Variants in TAS1R1 observed in about 807,000 individuals in gnomAD.
TAS1R1 encodes taste receptor type 1 member 1.
A neutral mutation model predicts 45.8 loss-of-function variants in TAS1R1; 31 were observed. The ratio of observed to expected loss-of-function variants is 0.68; its 90% CI spans 0.51 to 0.91. The LOEUF (loss-of-function observed/expected upper bound fraction) is 0.91, where lower values mean the gene tolerates loss of function less well. Among genes scored for constraint, TAS1R1 ranks in the 40% least tolerant of loss-of-function variants. The pLI is 0.00. For synonymous variants in TAS1R1, 437 were observed against 448.4 expected (o/e 0.97, Z 0.32); for missense variants, 1,051 against 1,063.9 (o/e 0.99, Z 0.17).
intron 1 of TAS1R1, among the ~76,000 whole-genome samples, chr1:6,557,766 A>G (rs1312705139): frequency 6.6e-6 from 1 of 152,132 alleles, no homozygotes; most frequent in Non-Finnish European, 1.5e-5. Context: ...CTGGGATCTC[A>G]CTATGTTGTC....
intron 1 of TAS1R1, among the ~76,000 whole-genome samples, chr1:6,560,238 C>G (rs10157237): frequency 0.98 from 149,226 of 152,276 alleles, 73,203 homozygotes; most frequent in East Asian, 1. Context: ...CAGAGGTTGC[C>G]GTAAGCCGAG....
intron 1 of TAS1R1, among the ~76,000 whole-genome samples, chr1:6,558,946 C>T (rs1286403355): frequency 1.8e-5 from 2 of 110,902 alleles, no homozygotes; most frequent in African/African-American, 6.7e-5. Context: ...GGCTGGAGTG[C>T]AGTGGCGCGA....
At position 6,575,150 on chromosome 1, in the gene TAS1R1, G is replaced by A. The variant is rs142847878; in HGVS notation, c.1018G>A (p.Ala340Thr). The change falls in exon 3 of 6, where the codon GCC becomes ACC. Residue 340 changes from alanine (A) to threonine (T), a missense_variant. Physicochemically the swap from Ala to Thr is moderately conservative, Grantham distance 58. Coordinates refer to ENST00000333172, the MANE Select transcript of TAS1R1 (RefSeq NM_138697.4). The stretch of plus-strand genomic sequence containing the variant: ...CCCTGGCCTGAAGGCGTTTGAAGAA[G>A]CCTATGCCCGGGCAGACAAGAAGGC... ...AVPGLKAFEE[A>T]YARADKKAPR... 1.3e-6 allele frequency: 2 copies of A among 1,590,444 alleles called. No homozygotes were observed. Among genetic ancestry groups the A allele is most frequent in the African/African-American group, 2.7e-5 (2 of 74,050 alleles).
rs1348172777 is a variant in TAS1R1, at chr1:6,573,374, T to G, written c.499-1257T>G. Among the ~76,000 whole-genome samples, 3 of 152,094 alleles carry G rather than the reference T, an allele frequency of 2.0e-5. No individual in the cohort carries two copies. The East Asian group carries it at 5.8e-4, about 30-fold the overall frequency. ...CAGGAGGCTGAGGCAGGAGAATTTC[T>G]TGAACCCAGGAGGCAGGGGTTGCAG... On this transcript the variant is annotated intron_variant, in intron 2 of 5. Transcript: ENST00000333172.
chr1:6,574,706 G>T lies in TAS1R1; in HGVS notation c.574G>T (p.Asp192Tyr). ...CTCTTTCCTGCGCACCATCCCCAATGACAAGTACCAGGTGGAGACCATGGT... is the reference window on the plus strand; with the variant it reads ...CTCTTTCCTGCGCACCATCCCCAATTACAAGTACCAGGTGGAGACCATGGT... ...YPSFLRTIPNDKYQVETMVLL... is the reference protein window; with the variant it reads ...YPSFLRTIPNYKYQVETMVLL... The change falls in exon 3 of 6, where the codon GAC becomes TAC. Residue 192 changes from aspartate to tyrosine, a missense_variant. Transcript: ENST00000333172. The surrounding 1 kb of genome is among the most constrained non-coding windows in gnomAD (Gnocchi z 4.3). 1 of 1,614,250 alleles carries T rather than the reference G, an allele frequency of 6.2e-7. No homozygotes were observed. Among genetic ancestry groups the T allele is most frequent in the Non-Finnish European group, 8.5e-7 (1 of 1,180,038 alleles).
rs377508262 is a variant in TAS1R1 at position 6,578,745 on chromosome 1, C to T, written c.1687C>T (p.Arg563Cys). 71 of 1,613,872 alleles carry T rather than the reference C, an allele frequency of 4.4e-5. No individual in the cohort carries two copies. In the African/African-American group the frequency reaches 6.4e-4, roughly 15 times the overall value. ...FPRTVVFLAL[R>C]EHTSWVLLAA... ...GCGCACTGTGGTGTTTTTGGCTTTG[C>T]GTGAGCACACCTCTTGGGTGCTGCT... Residue 563 changes from arginine (R) to cysteine (C), a missense_variant, in exon 6 of 6, where the codon CGT becomes TGT. Transcript: ENST00000333172.
intron 1 of TAS1R1, among the ~76,000 whole-genome samples, chr1:6,568,681 G>C (rs1016778705): frequency 6.6e-6 from 1 of 152,074 alleles, no homozygotes. Flanking sequence ...GCCCGGCTGG[G>C]GTCTGTGGGT....
intron 4 of TAS1R1, 137 bp from the exon 5 acceptor site, chr1:6,576,813 C>T (rs111942430): frequency 3.4e-5 from 50 of 1,454,928 alleles, no homozygotes; most frequent in African/African-American, 1.1e-4. Context: ...TGCCCTGGGG[C>T]GGAAGTTCAC....
At chr1:6,562,355 A>C (rs992036043) in intron 1 of TAS1R1, among the ~76,000 whole-genome samples, 10 of 152,156 alleles carry the variant, frequency 6.6e-5, no homozygotes, top group African/African-American at 2.4e-4. Context: ...TTTTTAGTAG[A>C]GATGGGGTTT....
At chr1:6,563,595 G>A (rs1639824483) in intron 1 of TAS1R1, among the ~76,000 whole-genome samples, 1 of 152,132 alleles carries the variant, frequency 6.6e-6, no homozygotes, top group Non-Finnish European at 1.5e-5. Context: ...AACATAGGTG[G>A]TAGTTGATAG....
chr1:6,557,341 G>A (rs541033476), intron 1 of TAS1R1, among the ~76,000 whole-genome samples: 1 of 152,176 alleles, frequency 6.6e-6, no homozygotes, highest in Non-Finnish European at 1.5e-5. Flanking sequence ...AGAGACTCGG[G>A]ACAGAAGTGG....
rs1170491473 is a variant in TAS1R1 at position 6,574,028 on chromosome 1, A to G, written c.499-603A>G. ...TAATGTAGAATCAGTGGGAGCCCTGAGCTTGTTTTCCTACAACTAGATGGT... is the reference window on the plus strand; with the variant it reads ...TAATGTAGAATCAGTGGGAGCCCTGGGCTTGTTTTCCTACAACTAGATGGT... On this transcript the variant is annotated intron_variant, in intron 2 of 5. Transcript: ENST00000333172. The surrounding 1 kb of genome is among the most constrained non-coding windows in gnomAD (Gnocchi z 4.3). 6.6e-6 allele frequency among the ~76,000 whole-genome samples: 1 copy of G among 152,142 alleles called. No individual in the cohort carries two copies. The highest frequency in any genetic ancestry group is 2.4e-5 in the African/African-American group (1 of 41,400).
At chr1:6,577,405 C>T (rs906869838) in intron 5 of TAS1R1, among the ~76,000 whole-genome samples, 17 of 151,510 alleles carry the variant, frequency 1.1e-4, no homozygotes, top group African/African-American at 1.5e-4. Context: ...TGTGGTGGCG[C>T]GTGCCTGTAA....
At chr1:6,566,499 T>C (rs1027607106) in intron 1 of TAS1R1, among the ~76,000 whole-genome samples, 1 of 151,406 alleles carries the variant, frequency 6.6e-6, no homozygotes, top group Admixed American at 6.6e-5. Context: ...ACAAGGAGAG[T>C]GTGTTGGTCA....
rs553435466 is a variant in TAS1R1 at position 6,579,368 on chromosome 1, C to T, written c.2310C>T (p.Phe770=). 64 of 1,613,966 alleles carry T rather than the reference C, an allele frequency of 4.0e-5. No individual in the cohort carries two copies. The African/African-American group carries it at 7.5e-4, about 19-fold the overall frequency. The part of the protein sequence containing the change: ...KCVTFSLLFN[F]VSWIAFFTTA... ...TCACCTTCAGCCTGCTCTTCAACTT[C>T]GTGTCCTGGATCGCCTTCTTCACCA... is the stretch of plus-strand genomic sequence containing the variant. Residue 770 remains phenylalanine, a synonymous_variant, in exon 6 of 6, where the codon TTC becomes TTT. Coordinates refer to ENST00000333172, the MANE Select transcript of TAS1R1 (RefSeq NM_138697.4).
intron 1 of TAS1R1, among the ~76,000 whole-genome samples, chr1:6,564,930 C>T (rs148990446): frequency 8.0e-4 from 122 of 151,612 alleles, no homozygotes; most frequent in African/African-American, 2.5e-3. Context: ...GGGAGCGGAG[C>T]GCCGCTTGGG....
intron 4 of TAS1R1, 73 bp downstream of exon 4, chr1:6,576,700 AG>A: frequency 1.3e-6 from 2 of 1,565,164 alleles, no homozygotes; most frequent in Non-Finnish European, 1.7e-6. Flanking sequence ...ATGCTGACAC[AG>A]TGTACAGGGA....
intron 1 of TAS1R1, among the ~76,000 whole-genome samples, chr1:6,569,167 G>T (rs1438850807): frequency 1.3e-5 from 2 of 151,934 alleles, no homozygotes; most frequent in Non-Finnish European, 2.9e-5. Context: ...GGATTGGGGT[G>T]GTTTAATGGA....
At chr1:6,558,125 C>T (rs1639719171) in intron 1 of TAS1R1, among the ~76,000 whole-genome samples, 1 of 151,050 alleles carries the variant, frequency 6.6e-6, no homozygotes, top group South Asian at 2.1e-4. Flanking sequence ...TAGCTCACTG[C>T]AGCTTTGCTT....
Sources: allele counts gnomAD v4.1 joint callset (sites outside exome capture counted in the v4.1 genomes callset), GRCh38; gene constraint gnomAD v4.1.1; non-coding constraint Gnocchi (gnomAD v3.1); transcripts MANE v1.5; gene names NCBI Gene and HGNC (gene_info 2026-07-23, HGNC 2026-07-21).